Variants in CFAP77 observed in about 807,000 individuals in gnomAD.
CFAP77 encodes cilia and flagella associated protein 77, also known as cilia- and flagella-associated protein 77.
CFAP77 carries 25 observed loss-of-function variants against 31.1 expected under a neutral mutation model. That is an observed-to-expected ratio of 0.80 (90% CI 0.59 to 1.12). The LOEUF (loss-of-function observed/expected upper bound fraction) is 1.12. Among genes scored for constraint, CFAP77 ranks in the 50% most tolerant of loss-of-function variants. The probability of loss-of-function intolerance (pLI) is 0.00; values close to 1 mark genes in which losing one functional copy is unlikely to be tolerated. For synonymous variants in CFAP77, 151 were observed against 159.9 expected, an observed-to-expected ratio of 0.94 and a Z score of 0.42; for missense variants, 377 against 397.3, an observed-to-expected ratio of 0.95 and a Z score of 0.44.
At chr9:132,494,966 C>A (rs55831339) in intron 1 of CFAP77, among the ~76,000 whole-genome samples, 4 of 152,146 alleles carry the variant, frequency 2.6e-5, no homozygotes, top group African/African-American at 7.2e-5. Flanking sequence ...AACTCACAGA[C>A]TTTTAGAACC....
At chr9:132,541,199 G>A (rs1211148067) in intron 4 of CFAP77, among the ~76,000 whole-genome samples, 3 of 152,154 alleles carry the variant, frequency 2.0e-5, no homozygotes, top group South Asian at 2.1e-4. Context: ...GATGAAATTC[G>A]TGGCAACAGC....
In CFAP77 at chr9:132,499,428, C is replaced by A. The variant is rs147812685; in HGVS notation, c.352C>A (p.Arg118=). Residue 118 remains arginine (R), a synonymous_variant, in exon 3 of 6, where the codon CGG becomes AGG. Coordinates refer to ENST00000393216, the MANE Select transcript of CFAP77 (RefSeq NM_001282957.2). The surrounding 1 kb of genome is among the most constrained non-coding windows in gnomAD (Gnocchi z 5.4). ...QQPTCPHELT[R]NYIAMNRGAV... is the part of the protein sequence containing the mutation. ...GCCCACCTGCCCCCACGAGCTGACC[C>A]GGAATTATATCGCAATGAACCGCGG... 2.0e-4 allele frequency: 319 copies of A among 1,614,218 alleles called. No individual in the cohort carries two copies. In the African/African-American group the frequency reaches 3.1e-3, roughly 16 times the overall value.
intron 5 of CFAP77, among the ~76,000 whole-genome samples, chr9:132,548,286 G>GGGGGGGGGGGCCCCCCCCC (rs1564248910): frequency 7.8e-6 from 1 of 128,890 alleles, no homozygotes; most frequent in Non-Finnish European, 1.6e-5. Context: ...GGGGGGTGGG[G>GGGGGGGGGGGCCCCCCCCC]GGTGAAGCTG....
intron 1 of CFAP77, among the ~76,000 whole-genome samples, chr9:132,471,510 C>T (rs1264339780): frequency 6.6e-6 from 1 of 151,986 alleles, no homozygotes. Flanking sequence ...CCTGCACAGA[C>T]TTCCAAAGCC....
Position 132,564,440 on chromosome 9 carries a change from T to A in CFAP77, c.733-7948T>A, listed in dbSNP as rs1487346980. On this transcript the variant is annotated intron_variant, in intron 5 of 5. Transcript: ENST00000393216. The surrounding 1 kb of genome is among the most constrained non-coding windows in gnomAD (Gnocchi z 4.6). ...ATTAGAAATCAGTAACAAACCTAACTGATAAAATTGCCTGGAAATGTAAAA... is the reference window on the plus strand; with the variant it reads ...ATTAGAAATCAGTAACAAACCTAACAGATAAAATTGCCTGGAAATGTAAAA... 1.3e-5 allele frequency among the ~76,000 whole-genome samples: 2 copies of A among 152,160 alleles called. No homozygotes were observed. The highest frequency in any genetic ancestry group is 2.9e-5 in the Non-Finnish European group (2 of 68,030).
At chr9:132,475,315 T>C (rs1487244521) in intron 1 of CFAP77, among the ~76,000 whole-genome samples, 2 of 152,238 alleles carry the variant, frequency 1.3e-5, no homozygotes, top group Non-Finnish European at 2.9e-5. Flanking sequence ...CTGGGTATCA[T>C]GCATCTTGGG....
chr9:132,475,453 A>G (rs1023402673), intron 1 of CFAP77, among the ~76,000 whole-genome samples: 2 of 152,198 alleles, frequency 1.3e-5, no homozygotes, highest in Non-Finnish European at 2.9e-5. Context: ...TCCAGGCCAC[A>G]GTCTCCCTGC....
At chr9:132,522,691 T>C (rs908450768) in intron 3 of CFAP77, among the ~76,000 whole-genome samples, 6 of 152,172 alleles carry the variant, frequency 3.9e-5, no homozygotes, top group African/African-American at 1.4e-4. Context: ...CACAGGGAAA[T>C]GCTAGATGTC....
chr9:132,437,803 G>A (rs982987766), intron 1 of CFAP77, among the ~76,000 whole-genome samples: 20 of 151,206 alleles, frequency 1.3e-4, no homozygotes, highest in Admixed American at 2.6e-4. Flanking sequence ...GAGCCACCGC[G>A]CCCGGCCCAC....
chr9:132,431,141 C>A lies in CFAP77; in HGVS notation c.195+20675C>A, dbSNP rs562402943. Among the ~76,000 whole-genome samples, 11 of 152,320 alleles carry A rather than the reference C, an allele frequency of 7.2e-5. No individual in the cohort carries two copies. In the South Asian group the frequency reaches 2.1e-3, roughly 29 times the overall value. On this transcript the variant is annotated intron_variant, in intron 1 of 5. Transcript: ENST00000393216. Reference sequence around the variant, plus strand: ...TCTCTGGATAATCCCTGAGCCCATACAAAAGGCACAGATACTACAAAGCCC... The same window carrying A: ...TCTCTGGATAATCCCTGAGCCCATAAAAAAGGCACAGATACTACAAAGCCC...
chr9:132,420,708 C>A (rs1248226705), intron 1 of CFAP77, among the ~76,000 whole-genome samples: 1 of 151,942 alleles, frequency 6.6e-6, no homozygotes, highest in Non-Finnish European at 1.5e-5. Context: ...CTCTATGATT[C>A]TATGCATTCA....
At chr9:132,532,697 A>G (rs989659596) in intron 3 of CFAP77, among the ~76,000 whole-genome samples, 6 of 152,084 alleles carry the variant, frequency 3.9e-5, no homozygotes, top group African/African-American at 1.4e-4. Context: ...TTTCTGTGAA[A>G]TTAAGTCACA....
intron 1 of CFAP77, among the ~76,000 whole-genome samples, chr9:132,496,305 T>G (rs1851742800): frequency 1.3e-5 from 2 of 152,262 alleles, no homozygotes; most frequent in Non-Finnish European, 2.9e-5. Context: ...ATGCAATGAA[T>G]GACTTAAGTA....
intron 3 of CFAP77, among the ~76,000 whole-genome samples, chr9:132,510,784 C>T (rs1433459276): frequency 6.6e-6 from 1 of 151,536 alleles, no homozygotes; most frequent in Non-Finnish European, 1.5e-5. Flanking sequence ...AAGCTAGAAA[C>T]CGCTGGAGCC....
intron 3 of CFAP77, among the ~76,000 whole-genome samples, chr9:132,506,867 C>T (rs1377679907): frequency 6.6e-6 from 1 of 152,106 alleles, no homozygotes; most frequent in Non-Finnish European, 1.5e-5. Context: ...GGCTTCTGTG[C>T]AGTGCGAGGA....
intron 1 of CFAP77, among the ~76,000 whole-genome samples, chr9:132,442,243 C>A (rs895619816): frequency 1.3e-5 from 2 of 152,148 alleles, no homozygotes; most frequent in Non-Finnish European, 2.9e-5. Flanking sequence ...TTGTAACTGG[C>A]AAAATTTATT....
chr9:132,562,096 C>T (rs1171500572), intron 5 of CFAP77, among the ~76,000 whole-genome samples: 9 of 152,218 alleles, frequency 5.9e-5, no homozygotes, highest in South Asian at 2.1e-4. Flanking sequence ...CCACCACTGG[C>T]GGCTACGGTT....
chr9:132,496,620 C>G (rs1206069187), intron 1 of CFAP77, among the ~76,000 whole-genome samples: 1 of 152,158 alleles, frequency 6.6e-6, no homozygotes, highest in African/African-American at 2.4e-5. Context: ...TCTGGCTTCT[C>G]AGCATGATGT....
At position 132,555,508 on chromosome 9, in the gene CFAP77, C is replaced by T. The variant is rs553443621; in HGVS notation, c.732+12461C>T. Among the ~76,000 whole-genome samples, 6 of 152,260 alleles carry T rather than the reference C, an allele frequency of 3.9e-5. No homozygotes were observed. In the South Asian group the frequency reaches 6.2e-4, roughly 16 times the overall value. ...GAGCACAAAATCAAAGACTGTCAAC[C>T]GAGGAACCATGTGGCTGGATAAGCA... On this transcript the variant is annotated intron_variant, in intron 5 of 5. Coordinates refer to ENST00000393216, the MANE Select transcript of CFAP77 (RefSeq NM_001282957.2).
Sources: allele counts gnomAD v4.1 joint callset (sites outside exome capture counted in the v4.1 genomes callset), GRCh38; gene constraint gnomAD v4.1.1; non-coding constraint Gnocchi (gnomAD v3.1); transcripts MANE v1.5; gene names NCBI Gene and HGNC (gene_info 2026-07-23, HGNC 2026-07-21).